The following CDC45 variants were observed in gnomAD, a reference collection of about 807,000 sequenced individuals.
CDC45 encodes cell division cycle 45.
A neutral mutation model predicts 77.8 loss-of-function variants in CDC45; 54 were observed. The observed-to-expected ratio is 0.69, with a 90% CI of 0.56 to 0.87. The LOEUF (loss-of-function observed/expected upper bound fraction) is 0.87. Ranked by LOEUF, CDC45 falls within the 40% of genes least tolerant of loss-of-function variation. The pLI is 0.00. For missense variants in CDC45, 649 were observed against 721.6 expected (o/e 0.90, Z 1.15); for synonymous variants, 260 against 272.1 (o/e 0.96, Z 0.44).
chr22:19,481,294 G>C (rs1189467701), intron 3 of CDC45, among the ~76,000 whole-genome samples: 1 of 152,170 alleles, frequency 6.6e-6, no homozygotes, highest in Non-Finnish European at 1.5e-5. Context: ...TTGTTTTGCA[G>C]AAATTTGATT....
chr22:19,515,438 CCT>C (rs964784857), intron 15 of CDC45, among the ~76,000 whole-genome samples: 1 of 152,164 alleles, frequency 6.6e-6, no homozygotes, highest in Admixed American at 6.5e-5. Flanking sequence ...GGCCTAACCC[CCT>C]CTTTGCGTTG....
intron 5 of CDC45, among the ~76,000 whole-genome samples, chr22:19,489,987 T>C (rs2090130184): frequency 6.6e-6 from 1 of 152,268 alleles, no homozygotes; most frequent in Non-Finnish European, 1.5e-5. Flanking sequence ...AGGATTGTGG[T>C]GTCCTTTTGG....
chr22:19,493,221 T>C (rs1764458708), intron 5 of CDC45, among the ~76,000 whole-genome samples: 1 of 131,242 alleles, frequency 7.6e-6, no homozygotes, highest in African/African-American at 3.6e-5. Flanking sequence ...AGAGCAGCTT[T>C]TGTGGGTTTT....
chr22:19,506,076 G>A (rs557033028), intron 10 of CDC45, among the ~76,000 whole-genome samples: 2 of 152,204 alleles, frequency 1.3e-5, no homozygotes, highest in African/African-American at 4.8e-5. Flanking sequence ...AGGTAGGTTG[G>A]GGGCAAGGAG....
At chr22:19,490,241 AT>A (rs1343232468) in intron 5 of CDC45, among the ~76,000 whole-genome samples, 5 of 152,298 alleles carry the variant, frequency 3.3e-5, no homozygotes, top group African/African-American at 1.2e-4. Context: ...GCCATTCTCT[AT>A]CTCTTAATTG....
At chr22:19,482,602 G>A (rs2090000509) in intron 3 of CDC45, 88 bp from the exon 4 acceptor site, 4 of 1,432,956 alleles carry the variant, frequency 2.8e-6, no homozygotes, top group Non-Finnish European at 3.8e-6. Context: ...GACTGAGTGA[G>A]TTTAAGCAGA....
At chr22:19,499,189 G>C (rs368180108) in intron 9 of CDC45, 38 bp downstream of exon 9, 16 of 1,610,310 alleles carry the variant, frequency 9.9e-6, no homozygotes, top group Non-Finnish European at 1.3e-5. Context: ...GGTCAGCCCT[G>C]TGCTGTGGCC....
chr22:19,480,145 T>C lies in CDC45; in HGVS notation c.52-13T>C. The stretch of plus-strand genomic sequence containing the variant: ...GGGTCGCCGTGTTCAGCCGGTCTGC[T>C]CTTCCCCGATAGAGGGTCCTTCTCT... On this transcript the variant is annotated splice_polypyrimidine_tract_variant and intron_variant, in intron 1 of 18. Coordinates refer to ENST00000263201, the MANE Select transcript of CDC45 (RefSeq NM_003504.5). 1.2e-6 allele frequency: 2 copies of C among 1,614,010 alleles called. No individual in the cohort carries two copies. Among genetic ancestry groups the C allele is most frequent in the Non-Finnish European group, 1.7e-6 (2 of 1,179,894 alleles).
intron 5 of CDC45, 111 bp downstream of exon 5, chr22:19,484,116 A>G: frequency 9.6e-7 from 1 of 1,044,742 alleles, no homozygotes; most frequent in Non-Finnish European, 1.4e-6. Flanking sequence ...GGAAGTGGAA[A>G]AGTTAGCAGG....
At chr22:19,511,610 A>G (rs1171628969) in intron 13 of CDC45, among the ~76,000 whole-genome samples, 1 of 152,162 alleles carries the variant, frequency 6.6e-6, no homozygotes, top group Non-Finnish European at 1.5e-5. Flanking sequence ...GATTATAGGT[A>G]TGAACCACCG....
intron 8 of CDC45, 32 bp downstream of exon 8, chr22:19,497,479 T>C (rs1239389771): frequency 1.3e-6 from 2 of 1,594,776 alleles, no homozygotes; most frequent in South Asian, 2.2e-5. Flanking sequence ...TGTGTGGGAG[T>C]ATTTGTTGCC....
chr22:19,484,741 A>G (rs376684717), intron 5 of CDC45, among the ~76,000 whole-genome samples: 5 of 152,000 alleles, frequency 3.3e-5, no homozygotes, highest in African/African-American at 1.2e-4. Flanking sequence ...CATATTTGAG[A>G]TGTTCAAGAC....
chr22:19,500,718 A>G (rs993868997), intron 9 of CDC45, among the ~76,000 whole-genome samples: 2 of 151,916 alleles, frequency 1.3e-5, no homozygotes, highest in Admixed American at 6.6e-5. Context: ...AGTCTCCCTA[A>G]AAGCCCCAGC....
chr22:19,513,740 T>C (rs955152175), intron 13 of CDC45, among the ~76,000 whole-genome samples: 7 of 152,244 alleles, frequency 4.6e-5, no homozygotes, highest in African/African-American at 1.7e-4. Context: ...TGAGATAAAC[T>C]TTCTGAGTTC....
At chr22:19,511,340 T>C (rs1933501760) in intron 13 of CDC45, among the ~76,000 whole-genome samples, 1 of 150,592 alleles carries the variant, frequency 6.6e-6, no homozygotes, top group Non-Finnish European at 1.5e-5. Flanking sequence ...TTTTTTTTTT[T>C]TTTTTTTTGA....
chr22:19,516,928 A>G, intron 17 of CDC45, 35 bp downstream of exon 17: 1 of 1,571,440 alleles, frequency 6.4e-7, no homozygotes, highest in South Asian at 1.1e-5. Flanking sequence ...ACACTTTCCC[A>G]CCTGACCCTT....
intron 10 of CDC45, among the ~76,000 whole-genome samples, 184 bp from the exon 11 acceptor site, chr22:19,507,202 C>G (rs1933239266): frequency 1.3e-5 from 2 of 152,218 alleles, no homozygotes; most frequent in Non-Finnish European, 2.9e-5. Flanking sequence ...ACTTCACAGG[C>G]TCTCTGTATG....
chr22:19,483,521 A>G (rs1170761511), intron 4 of CDC45, among the ~76,000 whole-genome samples: 5 of 152,228 alleles, frequency 3.3e-5, no homozygotes, highest in African/African-American at 1.2e-4. Flanking sequence ...TTCATGTCCT[A>G]TATCAGACAG....
chr22:19,493,119 A>T (rs956405863), intron 5 of CDC45, among the ~76,000 whole-genome samples: 8 of 151,818 alleles, frequency 5.3e-5, no homozygotes, highest in African/African-American at 1.7e-4. Flanking sequence ...GTGGATATGG[A>T]TGTTCTTGGT....
Sources: allele counts gnomAD v4.1 joint callset (sites outside exome capture counted in the v4.1 genomes callset), GRCh38; gene constraint gnomAD v4.1.1; transcripts MANE v1.5; gene names NCBI Gene and HGNC (gene_info 2026-07-23, HGNC 2026-07-21).